SPNS2: variants seen among roughly 807,000 people sequenced by gnomAD.
SPNS2 encodes SPNS lysolipid transporter 2, sphingosine-1-phosphate.
Under a neutral mutation model 57.6 loss-of-function variants are expected in SPNS2, and 37 were observed. The ratio of observed to expected loss-of-function variants is 0.64; its 90% CI spans 0.49 to 0.85. The LOEUF is 0.85. Ranked by LOEUF, SPNS2 falls within the 40% of genes least tolerant of loss-of-function variation. The pLI, the probability that SPNS2 is intolerant of heterozygous loss-of-function variation, is 0.00. For missense variants in SPNS2, 831 were observed against 779.1 expected (o/e 1.07, Z -0.79); for synonymous variants, 440 against 346.9 (o/e 1.27, Z -2.98).
chr17:4,505,292 G>A (rs1027937154), intron 1 of SPNS2, among the ~76,000 whole-genome samples: 1 of 152,144 alleles, frequency 6.6e-6, no homozygotes, highest in Non-Finnish European at 1.5e-5. Flanking sequence ...ATACCTGCCT[G>A]ACCCAAAGCA....
At chr17:4,528,099 T>C (rs920010150) in intron 3 of SPNS2, among the ~76,000 whole-genome samples, 1 of 152,140 alleles carries the variant, frequency 6.6e-6, no homozygotes, top group Admixed American at 6.6e-5. Flanking sequence ...CTGGGTTCAC[T>C]GCAACCTCCG....
chr17:4,537,700 G>A lies in SPNS2; in HGVS notation c.*252G>A, dbSNP rs529565367. On this transcript the variant is annotated 3_prime_UTR_variant, in exon 13 of 13. Transcript: ENST00000329078. Reference sequence around the variant, plus strand: ...TCCCAGCCCTAGGTTTGGGCCGCAGGGCCCCTGGGGCCAAGGAAGAAGACA... The same window carrying A: ...TCCCAGCCCTAGGTTTGGGCCGCAGAGCCCCTGGGGCCAAGGAAGAAGACA... The A allele has an allele frequency of 2.2e-6, 1 of 456,758 alleles. No homozygotes were observed. Among genetic ancestry groups the A allele is most frequent in the Non-Finnish European group, 4.4e-6 (1 of 226,964 alleles). 28.3% of individuals were successfully genotyped at this position (456,758 alleles called of 1,614,324 possible).
intron 8 of SPNS2, 23 bp downstream of exon 8, chr17:4,533,455 G>C (rs779341155): frequency 6.4e-7 from 1 of 1,570,054 alleles, no homozygotes; most frequent in South Asian, 1.2e-5. Context: ...GGGGTCAAGG[G>C]TGCTGGGGGA....
intron 5 of SPNS2, among the ~76,000 whole-genome samples, chr17:4,531,341 C>T (rs902777259): frequency 2.0e-5 from 3 of 152,230 alleles, no homozygotes; most frequent in Non-Finnish European, 2.9e-5. Context: ...CCGCCGCCCT[C>T]GGGGCCCCCA....
chr17:4,527,783 C>T (rs570118433), intron 3 of SPNS2, among the ~76,000 whole-genome samples: 6 of 152,260 alleles, frequency 3.9e-5, no homozygotes, highest in African/African-American at 9.6e-5. Context: ...GGGACTCCAG[C>T]CCTGCTGGTG....
chr17:4,507,868 G>A (rs574095109), intron 1 of SPNS2, among the ~76,000 whole-genome samples: 33 of 152,358 alleles, frequency 2.2e-4, no homozygotes, highest in African/African-American at 7.7e-4. Flanking sequence ...GGCCTGAGCC[G>A]AGGGCTCTTG....
intron 12 of SPNS2, among the ~76,000 whole-genome samples, chr17:4,537,186 C>T (rs776290139): frequency 5.9e-5 from 9 of 151,830 alleles, no homozygotes; most frequent in Non-Finnish European, 1.2e-4. Context: ...GGTGGGGCCT[C>T]GCATAGATCA....
chr17:4,531,147 A>T (rs747552818), intron 5 of SPNS2, 28 bp downstream of exon 5: 1 of 1,611,578 alleles, frequency 6.2e-7, no homozygotes, highest in Non-Finnish European at 8.5e-7. Flanking sequence ...TCCCATGAGG[A>T]CACCCTCCGG....
intron 5 of SPNS2, among the ~76,000 whole-genome samples, chr17:4,531,472 C>G (rs540669943): frequency 7.5e-4 from 114 of 152,276 alleles, no homozygotes; most frequent in African/African-American, 2.7e-3. Flanking sequence ...TGGCGCTGTG[C>G]TAGGGTAAGG....
intron 11 of SPNS2, 35 bp from the exon 12 acceptor site, chr17:4,536,865 T>C (rs1905854754): frequency 1.9e-6 from 3 of 1,604,814 alleles, no homozygotes; most frequent in Non-Finnish European, 2.6e-6. Flanking sequence ...CCCCCGCTGA[T>C]GCACCACCCT....
intron 1 of SPNS2, among the ~76,000 whole-genome samples, chr17:4,504,399 G>A (rs1039742867): frequency 1.8e-4 from 27 of 151,962 alleles, no homozygotes; most frequent in Middle Eastern, 3.4e-3. Context: ...CAGCCCCTCC[G>A]CTGTGCTGTC....
Position 4,536,314 on chromosome 17 carries a change from C to G in SPNS2, c.1495C>G (p.Leu499Val), listed in dbSNP as rs546710411. ...TAAGGACTCCCCGCTCTGGGAGTTCCTGAGCCTGGGCTACGCGCTCATGCT... is the reference window on the plus strand; with the variant it reads ...TAAGGACTCCCCGCTCTGGGAGTTCGTGAGCCTGGGCTACGCGCTCATGCT... ...STKDSPLWEF[L>V]SLGYALMLCP... The change falls in exon 11 of 13, where the codon CTG becomes GTG. Residue 499 changes from leucine to valine, a missense_variant. Coordinates refer to ENST00000329078, the MANE Select transcript of SPNS2 (RefSeq NM_001124758.3). The G allele has an allele frequency of 1.2e-6, 2 of 1,612,612 alleles. No homozygotes were observed. The highest frequency in any genetic ancestry group is 1.3e-5 in the African/African-American group (1 of 75,052).
At chr17:4,525,649 C>T (rs1292380337) in intron 3 of SPNS2, among the ~76,000 whole-genome samples, 1 of 152,252 alleles carries the variant, frequency 6.6e-6, no homozygotes, top group Non-Finnish European at 1.5e-5. Flanking sequence ...ATCAATTCAA[C>T]ACAAACAAGA....
intron 1 of SPNS2, among the ~76,000 whole-genome samples, chr17:4,509,607 A>C (rs1418444767): frequency 6.8e-6 from 1 of 147,554 alleles, no homozygotes; most frequent in Non-Finnish European, 1.5e-5. Flanking sequence ...GCACGGGCCC[A>C]AGCCAAGGAC....
At position 4,531,042 on chromosome 17, in the gene SPNS2, C is replaced by T; in HGVS notation, c.726-11C>T. The T allele has an allele frequency of 6.2e-7, 1 of 1,613,904 alleles. No homozygotes were observed. Among genetic ancestry groups the T allele is most frequent in the Non-Finnish European group, 8.5e-7 (1 of 1,179,968 alleles). Reference sequence around the variant, plus strand: ...TCTCTGCTCAGCCTGACGTGTGTCTCTTCTCTGCAGTGGCCTGGGCTACAT... The same window carrying T: ...TCTCTGCTCAGCCTGACGTGTGTCTTTTCTCTGCAGTGGCCTGGGCTACAT... On this transcript the variant is annotated splice_polypyrimidine_tract_variant and intron_variant, in intron 4 of 12. Coordinates refer to ENST00000329078, the MANE Select transcript of SPNS2 (RefSeq NM_001124758.3).
chr17:4,505,867 C>T (rs1299060505), intron 1 of SPNS2, among the ~76,000 whole-genome samples: 2 of 152,164 alleles, frequency 1.3e-5, no homozygotes, highest in African/African-American at 4.8e-5. Context: ...CTAGGGTCTC[C>T]CCACTCCCAC....
chr17:4,526,211 G>T (rs141356010), intron 3 of SPNS2, among the ~76,000 whole-genome samples: 1 of 152,180 alleles, frequency 6.6e-6, no homozygotes, highest in Non-Finnish European at 1.5e-5. Context: ...TGGCGTTTGC[G>T]CTGGGCAGGC....
rs780956983 is a variant in SPNS2, at chr17:4,533,090, C to G, written c.1049C>G (p.Ala350Gly). ...LHRAQVVQKTAETCNSPPCGA... is the reference protein window; with the variant it reads ...LHRAQVVQKTGETCNSPPCGA... ...CGCGCCCAAGTTGTGCAGAAGACAG[C>G]AGAGACGTGCAACAGCCCGCCCTGT... Residue 350 changes from alanine to glycine, a missense_variant, in exon 7 of 13, where the codon GCA becomes GGA. Around this residue, in one of 2 missense-constraint regions of SPNS2, gnomAD observed 526 missense variants for 400.9 expected, o/e 1.31. Transcript: ENST00000329078. 1.9e-6 allele frequency: 3 copies of G among 1,612,846 alleles called. No individual in the cohort carries two copies. The South Asian group carries it at 3.3e-5, about 18-fold the overall frequency.
At position 4,537,782 on chromosome 17, in the gene SPNS2, G is replaced by A. The variant is rs1208538832; in HGVS notation, c.*334G>A. ...CTGCCACCAGCTTATGTGATCTTGG[G>A]CAAGTCCCTGCCCTCCCTGGAACGA... On this transcript the variant is annotated 3_prime_UTR_variant, in exon 13 of 13. Coordinates refer to ENST00000329078, the MANE Select transcript of SPNS2 (RefSeq NM_001124758.3). 2.2e-6 allele frequency: 1 copy of A among 455,724 alleles called. No individual in the cohort carries two copies. The highest frequency in any genetic ancestry group is 4.4e-6 in the Non-Finnish European group (1 of 226,214). 28.2% of individuals were successfully genotyped at this position (455,724 alleles called of 1,614,324 possible).
Sources: gnomAD v4.1 joint callset for allele counts (sites outside exome capture counted in the v4.1 genomes callset) on GRCh38, gnomAD v4.1.1 for gene constraint, gnomAD v4.1.1 regional missense constraint, MANE v1.5 for transcripts, NCBI Gene and HGNC (gene_info 2026-07-23, HGNC 2026-07-21) for gene names.